Variants in RIMS2 observed in about 807,000 individuals in gnomAD.
The protein encoded by RIMS2 is regulating synaptic membrane exocytosis 2.
Under a neutral mutation model 174.4 loss-of-function variants are expected in RIMS2, and 59 were observed. The ratio of observed to expected loss-of-function variants is 0.34; its 90% CI spans 0.27 to 0.42. The LOEUF (loss-of-function observed/expected upper bound fraction) is 0.42. RIMS2 is among the 10% of genes least tolerant of loss of function. RIMS2 has a pLI of 1.00. For synonymous variants in RIMS2, 606 were observed against 572.5 expected, an observed-to-expected ratio of 1.06 and a Z score of -0.84; for missense variants, 1,620 against 1,666.3, an observed-to-expected ratio of 0.97 and a Z score of 0.48.
At chr8:103,764,001 A>G (rs991684591) in intron 2 of RIMS2, among the ~76,000 whole-genome samples, 1 of 152,176 alleles carries the variant, frequency 6.6e-6, no homozygotes, top group Non-Finnish European at 1.5e-5. Flanking sequence ...GGGTTTGGGG[A>G]AAAAATATTG....
intron 16 of RIMS2, among the ~76,000 whole-genome samples, chr8:103,987,206 A>G (rs1398879500): frequency 6.6e-6 from 1 of 151,736 alleles, no homozygotes; most frequent in East Asian, 1.9e-4. Context: ...TGCCCAGGCT[A>G]GACTCGAACT....
intron 1 of RIMS2, among the ~76,000 whole-genome samples, chr8:103,640,210 A>G (rs1490610165): frequency 6.6e-6 from 1 of 151,818 alleles, no homozygotes; most frequent in East Asian, 1.9e-4. Context: ...AATCTTTTTA[A>G]TGTCATGTGA....
chr8:103,565,876 C>T (rs1233302273), intron 1 of RIMS2, among the ~76,000 whole-genome samples: 1 of 152,026 alleles, frequency 6.6e-6, no homozygotes, highest in Admixed American at 6.5e-5. Flanking sequence ...TATTTTTTGT[C>T]AAGTGAAAGT....
At chr8:104,239,963 G>A (rs1014307633) in intron 19 of RIMS2, among the ~76,000 whole-genome samples, 4 of 152,060 alleles carry the variant, frequency 2.6e-5, no homozygotes, top group Non-Finnish European at 4.4e-5. Context: ...ACAGTTGCAG[G>A]CCTGAAGTCC....
chr8:103,633,236 G>C (rs2095988766), intron 1 of RIMS2, among the ~76,000 whole-genome samples: 1 of 143,596 alleles, frequency 7.0e-6, no homozygotes, highest in Non-Finnish European at 1.5e-5. Context: ...TAGTATAGAT[G>C]GGTTTTCACC....
At chr8:103,567,509 T>A (rs2092459013) in intron 1 of RIMS2, among the ~76,000 whole-genome samples, 1 of 152,260 alleles carries the variant, frequency 6.6e-6, no homozygotes, top group African/African-American at 2.4e-5. Context: ...ACTTTTTGTT[T>A]TCTTTTGTGG....
At chr8:103,719,564 G>A (rs1410461270) in intron 2 of RIMS2, among the ~76,000 whole-genome samples, 1 of 152,066 alleles carries the variant, frequency 6.6e-6, no homozygotes, top group Non-Finnish European at 1.5e-5. Context: ...ATAACCTCAG[G>A]TTGTTAGTAG....
chr8:103,610,881 T>C (rs796240257), intron 1 of RIMS2, among the ~76,000 whole-genome samples: 23 of 152,342 alleles, frequency 1.5e-4, no homozygotes, highest in African/African-American at 5.1e-4. Flanking sequence ...TTTTCGGGAA[T>C]AGTTTCAATA....
downstream of RIMS2, chr8:104,254,779 G>A (rs748784972): frequency 6.6e-6 from 1 of 152,194 alleles, no homozygotes; most frequent in African/African-American, 2.4e-5. Flanking sequence ...CACAGGCTCT[G>A]CTAGCCCCTG....
At chr8:103,596,591 G>A (rs940369164) in intron 1 of RIMS2, among the ~76,000 whole-genome samples, 1 of 151,886 alleles carries the variant, frequency 6.6e-6, no homozygotes, top group Admixed American at 6.6e-5. Flanking sequence ...AACTATAGTG[G>A]ATATGCTAAT....
At chr8:103,958,653 T>C (rs1372543887) in intron 14 of RIMS2, among the ~76,000 whole-genome samples, 5 of 152,108 alleles carry the variant, frequency 3.3e-5, no homozygotes, top group South Asian at 2.1e-4. Context: ...TACAAAAAAC[T>C]AAACTCTAGG....
chr8:104,214,841 T>C (rs2099122760), intron 19 of RIMS2, among the ~76,000 whole-genome samples: 1 of 152,196 alleles, frequency 6.6e-6, no homozygotes, highest in Non-Finnish European at 1.5e-5. Context: ...CCTTAACTGT[T>C]TACCAAATAT....
chr8:104,104,989 T>C (rs1408896126), intron 19 of RIMS2, among the ~76,000 whole-genome samples: 1 of 152,112 alleles, frequency 6.6e-6, no homozygotes. Flanking sequence ...GAATAGAGTG[T>C]AATGGAAGAG....
chr8:103,869,909 A>AG (rs2099102337), intron 3 of RIMS2, among the ~76,000 whole-genome samples: 1 of 152,168 alleles, frequency 6.6e-6, no homozygotes, highest in South Asian at 2.1e-4. Context: ...TGTGGCAGTT[A>AG]GGGGAGGGGA....
At chr8:104,232,043 C>A (rs1291556384) in intron 19 of RIMS2, among the ~76,000 whole-genome samples, 1 of 60,580 alleles carries the variant, frequency 1.7e-5, no homozygotes, top group Non-Finnish European at 2.7e-5. Context: ...TATTGCCTTG[C>A]ATTATTATTT....
At chr8:103,744,579 C>T (rs1456519133) in intron 2 of RIMS2, among the ~76,000 whole-genome samples, 1 of 151,930 alleles carries the variant, frequency 6.6e-6, no homozygotes, top group African/African-American at 2.4e-5. Context: ...TTATATGTAC[C>T]CTACTCATAT....
At chr8:103,833,941 A>T (rs561628681) in intron 3 of RIMS2, among the ~76,000 whole-genome samples, 2 of 152,276 alleles carry the variant, frequency 1.3e-5, no homozygotes, top group South Asian at 4.1e-4. Context: ...ATGACTAATA[A>T]TGCTTTATAG....
chr8:103,936,023 T>C (rs1432712593), intron 12 of RIMS2, among the ~76,000 whole-genome samples: 1 of 152,218 alleles, frequency 6.6e-6, no homozygotes, highest in South Asian at 2.1e-4. Context: ...ACCAGATGTA[T>C]GTCAAATAAA....
rs142832065 is a variant in RIMS2, at chr8:104,194,692, CAT to C, written c.3335-50222_3335-50221del. On this transcript the variant is annotated intron_variant, in intron 19 of 23. Transcript: ENST00000504942. ...ATGAATAAATAGACATATTATATAACATAGTGTTTAATACTGTTTGGTAGAGG... is the reference window on the plus strand; with the variant it reads ...ATGAATAAATAGACATATTATATAACAGTGTTTAATACTGTTTGGTAGAGG... 8.4e-3 allele frequency among the ~76,000 whole-genome samples: 1,274 copies of C among 152,150 alleles called. 16 individuals carry two copies. Among genetic ancestry groups the C allele is most frequent in the African/African-American group, 0.03 (1,233 of 41,520 alleles).
Sources: gnomAD v4.1 joint callset for allele counts (sites outside exome capture counted in the v4.1 genomes callset) on GRCh38, gnomAD v4.1.1 for gene constraint, MANE v1.5 for transcripts, NCBI Gene and HGNC (gene_info 2026-07-23, HGNC 2026-07-21) for gene names.